The following CD200R1 variants were observed in gnomAD, a reference collection of about 807,000 sequenced individuals.
CD200R1 encodes the protein cell surface glycoprotein CD200 receptor 1.
Under a neutral mutation model 38.1 loss-of-function variants are expected in CD200R1, and 30 were observed. The ratio of observed to expected loss-of-function variants is 0.79; its 90% CI spans 0.59 to 1.07. The LOEUF is 1.07. Among genes scored for constraint, CD200R1 ranks in the 50% least tolerant of loss-of-function variants. The probability of loss-of-function intolerance (pLI) is 0.00; values close to 1 mark genes in which losing one functional copy is unlikely to be tolerated. For synonymous variants in CD200R1, 128 were observed against 152.1 expected, an observed-to-expected ratio of 0.84 and a Z score of 1.16; for missense variants, 372 against 415.4, an observed-to-expected ratio of 0.90 and a Z score of 0.91.
intron 1 of CD200R1, among the ~76,000 whole-genome samples, chr3:112,958,848 G>A (rs184172134): frequency 2.6e-3 from 399 of 152,062 alleles, no homozygotes; most frequent in Non-Finnish European, 4.5e-3. Flanking sequence ...TACTACTAGC[G>A]AAACCTCTTA....
intron 1 of CD200R1, among the ~76,000 whole-genome samples, chr3:112,969,079 A>T (rs1933235632): frequency 6.6e-6 from 1 of 152,216 alleles, no homozygotes; most frequent in East Asian, 1.9e-4. Flanking sequence ...ATATATACTC[A>T]CAATGAATGA....
At chr3:112,961,175 G>T (rs1933006268) in intron 1 of CD200R1, among the ~76,000 whole-genome samples, 1 of 151,942 alleles carries the variant, frequency 6.6e-6, no homozygotes, top group African/African-American at 2.4e-5. Flanking sequence ...ATTACCCCTG[G>T]AATCTCGCAG....
At chr3:112,923,896 A>T in intron 7 of CD200R1, 97 bp from the exon 8 acceptor site, 2 of 696,664 alleles carry the variant, frequency 2.9e-6, no homozygotes, top group Non-Finnish European at 4.8e-6. Context: ...TATTTCTAAC[A>T]GGTGCTCAAG....
intron 1 of CD200R1, among the ~76,000 whole-genome samples, chr3:112,970,052 C>T (rs1400409800): frequency 6.6e-6 from 1 of 151,862 alleles, no homozygotes; most frequent in Non-Finnish European, 1.5e-5. Flanking sequence ...GTGGTGCACA[C>T]CTGTAGTCCC....
At chr3:112,964,192 T>C (rs2107343039) in intron 1 of CD200R1, among the ~76,000 whole-genome samples, 1 of 152,222 alleles carries the variant, frequency 6.6e-6, no homozygotes. Context: ...TAGGGCAGTA[T>C]GGAATGGAAA....
intron 7 of CD200R1, 44 bp from the exon 8 acceptor site, chr3:112,923,843 T>C (rs1162122482): frequency 1.6e-6 from 2 of 1,242,098 alleles, no homozygotes; most frequent in Non-Finnish European, 2.3e-6. Context: ...AAAATCATCA[T>C]AGAGACTATC....
chr3:112,966,900 T>A (rs1015405801), intron 1 of CD200R1, among the ~76,000 whole-genome samples: 1 of 152,148 alleles, frequency 6.6e-6, no homozygotes, highest in Non-Finnish European at 1.5e-5. Flanking sequence ...ATACCAGCAA[T>A]CTCGCTGCTC....
At chr3:112,928,722 T>G in intron 5 of CD200R1, 94 bp downstream of exon 5, 1 of 953,874 alleles carries the variant, frequency 1.0e-6, no homozygotes, top group Non-Finnish European at 1.5e-6. Context: ...GGGGAGAGCA[T>G]CCTCGAACAA....
chr3:112,928,757 T>C (rs1345751253), intron 5 of CD200R1, 59 bp downstream of exon 5: 6 of 1,342,594 alleles, frequency 4.5e-6, no homozygotes, highest in Admixed American at 4.3e-5. Flanking sequence ...TCTTTTTTTT[T>C]CTTAACTCTT....
intron 1 of CD200R1, among the ~76,000 whole-genome samples, chr3:112,967,525 TTA>T (rs1297393019): frequency 1.3e-5 from 2 of 152,240 alleles, no homozygotes; most frequent in Non-Finnish European, 2.9e-5. Flanking sequence ...AGTAATTGAT[TTA>T]ATATCTATCT....
At chr3:112,948,167 C>T (rs1350656080) in intron 1 of CD200R1, among the ~76,000 whole-genome samples, 1 of 152,274 alleles carries the variant, frequency 6.6e-6, no homozygotes, top group Non-Finnish European at 1.5e-5. Flanking sequence ...CATCACCCCC[C>T]TCTTGCTTTA....
intron 1 of CD200R1, among the ~76,000 whole-genome samples, chr3:112,971,120 T>A (rs1933300067): frequency 6.6e-6 from 1 of 152,186 alleles, no homozygotes; most frequent in Non-Finnish European, 1.5e-5. Flanking sequence ...CCCCCAGAGA[T>A]GGCAAAATTC....
At chr3:112,973,838 C>CA (rs1272372079) in intron 1 of CD200R1, among the ~76,000 whole-genome samples, 1 of 152,116 alleles carries the variant, frequency 6.6e-6, no homozygotes, top group African/African-American at 2.4e-5. Flanking sequence ...CCTCCCACAC[C>CA]AACTCCTACC....
At chr3:112,930,182 T>A (rs1940394057) in intron 3 of CD200R1, among the ~76,000 whole-genome samples, 1 of 152,054 alleles carries the variant, frequency 6.6e-6, no homozygotes, top group East Asian at 1.9e-4. Context: ...GATAATGCCC[T>A]GTGATAAGAG....
intron 1 of CD200R1, among the ~76,000 whole-genome samples, chr3:112,964,093 C>T (rs1427419900): frequency 1.3e-5 from 2 of 152,208 alleles, no homozygotes; most frequent in African/African-American, 4.8e-5. Flanking sequence ...TTGGGAACCT[C>T]TGCCTAGATT....
At position 112,923,291 on chromosome 3, in the gene CD200R1, T is replaced by C. The variant is rs1940211168; in HGVS notation, c.*386A>G. 2 of 158,118 alleles carry C rather than the reference T, an allele frequency of 1.3e-5. No homozygotes were observed. The highest frequency in any genetic ancestry group is 1.9e-4 in the East Asian group (1 of 5,270). The allele number at this position is 158,118 out of a possible 1,614,324, so 9.8% of individuals were successfully genotyped here. ...AAGGGGACACATAAATTGACACATA[T>C]ACCATAGGCATATACACATGTCATA... On this transcript the variant is annotated 3_prime_UTR_variant, in exon 8 of 8. Coordinates refer to ENST00000308611, the MANE Select transcript of CD200R1 (RefSeq NM_138806.4).
At chr3:112,940,907 C>T (rs751080352) in intron 2 of CD200R1, among the ~76,000 whole-genome samples, 28 of 151,680 alleles carry the variant, frequency 1.8e-4, no homozygotes, top group Non-Finnish European at 3.0e-4. Context: ...TCAACCCAAA[C>T]GCCCAATAAC....
rs1940341267 is a variant in CD200R1, at chr3:112,928,830, A to G, written c.755T>C (p.Ile252Thr). ...GAATTACTGACCAGGAAGTAGCTCT[A>G]TGTACAGACTCTTGTTGCCAGTCAA... ...SHLTGNKSLYIELLPVPGAKK... is the reference protein window; with the variant it reads ...SHLTGNKSLYTELLPVPGAKK... Residue 252 changes from isoleucine (I) to threonine (T), a missense_variant, in exon 5 of 8, where the codon ATA (isoleucine) becomes ACA (threonine). Physicochemically the swap from Ile to Thr is moderately conservative, Grantham distance 89 (BLOSUM62 -1). Transcript: ENST00000308611. 1 of 1,612,140 alleles carries G rather than the reference A, an allele frequency of 6.2e-7. No individual in the cohort carries two copies. The highest frequency in any genetic ancestry group is 1.3e-5 in the African/African-American group (1 of 74,892).
intron 1 of CD200R1, among the ~76,000 whole-genome samples, chr3:112,954,967 T>C (rs1941056561): frequency 6.6e-6 from 1 of 152,132 alleles, no homozygotes; most frequent in Non-Finnish European, 1.5e-5. Context: ...TTCAAGTATA[T>C]AGCATCAGAA....
Sources: allele counts gnomAD v4.1 joint callset (sites outside exome capture counted in the v4.1 genomes callset), GRCh38; gene constraint gnomAD v4.1.1; transcripts MANE v1.5; gene names NCBI Gene and HGNC (gene_info 2026-07-23, HGNC 2026-07-21).